The following RBFOX1 variants were observed in gnomAD, a reference collection of about 807,000 sequenced individuals.
RBFOX1 encodes RNA binding fox-1 homolog 1.
RBFOX1 carries 8 observed loss-of-function variants against 57.7 expected under a neutral mutation model. The ratio of observed to expected loss-of-function variants is 0.14; its 90% CI spans 0.08 to 0.25. The LOEUF (loss-of-function observed/expected upper bound fraction) is 0.25, where lower values mean the gene tolerates loss of function less well. Among genes scored for constraint, RBFOX1 ranks in the 10% least tolerant of loss-of-function variants. The pLI is 1.00. For missense variants in RBFOX1, 611 were observed against 548.5 expected, an observed-to-expected ratio of 1.11 and a Z score of -1.14; for synonymous variants, 326 against 222.4, an observed-to-expected ratio of 1.47 and a Z score of -4.15.
At chr16:5,769,170 C>G (rs1435740458) in intron 3 of RBFOX1, among the ~76,000 whole-genome samples, 1 of 152,070 alleles carries the variant, frequency 6.6e-6, no homozygotes. Flanking sequence ...TGGGAAACAC[C>G]TTATGAATAT....
chr16:6,459,094 G>C (rs1454133898), intron 2 of RBFOX1, among the ~76,000 whole-genome samples: 1 of 152,198 alleles, frequency 6.6e-6, no homozygotes, highest in Non-Finnish European at 1.5e-5. Context: ...CCAGCACTTT[G>C]GGAGGCCAAG....
Position 5,723,733 on chromosome 16 carries a change from C to A in RBFOX1, c.318+124772C>A, listed in dbSNP as rs566819421. 1.1e-4 allele frequency among the ~76,000 whole-genome samples: 16 copies of A among 152,244 alleles called. No homozygotes were observed. In the South Asian group the frequency reaches 3.3e-3, roughly 32 times the overall value. ...GCTTGGGCTGGATGGTGTCTGAGGT[C>A]TGATTGTGAGATCTTTGGTCTAAGG... On this transcript the variant is annotated intron_variant, in intron 3 of 19. Transcript: ENST00000641259.
At chr16:7,500,199 G>A (rs528867094) in intron 4 of RBFOX1, among the ~76,000 whole-genome samples, 5 of 152,272 alleles carry the variant, frequency 3.3e-5, no homozygotes, top group African/African-American at 1.2e-4. Flanking sequence ...GGAGACATTG[G>A]GTGATGTATA....
chr16:5,666,004 T>TGCCACCCA (rs2049832691), intron 3 of RBFOX1, among the ~76,000 whole-genome samples: 1 of 152,234 alleles, frequency 6.6e-6, no homozygotes, highest in South Asian at 2.1e-4. Context: ...CCGTCAAAAC[T>TGCCACCCA]GCCACCCACT....
At chr16:6,669,430 C>T (rs1005009197) in intron 3 of RBFOX1, among the ~76,000 whole-genome samples, 4 of 152,170 alleles carry the variant, frequency 2.6e-5, no homozygotes, top group African/African-American at 9.7e-5. Context: ...CTTAAACTAA[C>T]AGCTATCAGA....
intron 4 of RBFOX1, among the ~76,000 whole-genome samples, chr16:7,460,136 G>C (rs1368259759): frequency 6.6e-6 from 1 of 151,580 alleles, no homozygotes; most frequent in East Asian, 1.9e-4. Context: ...TTTCTCCTAT[G>C]CTAGTCTGAT....
At chr16:6,531,858 C>T (rs1393159229) in intron 2 of RBFOX1, among the ~76,000 whole-genome samples, 2 of 152,188 alleles carry the variant, frequency 1.3e-5, no homozygotes, top group African/African-American at 4.8e-5. Context: ...ACTTTGTGGA[C>T]CAATTAGGGC....
intron 3 of RBFOX1, among the ~76,000 whole-genome samples, chr16:6,854,994 C>T (rs1406722278): frequency 1.3e-5 from 2 of 151,614 alleles, no homozygotes; most frequent in East Asian, 3.9e-4. Context: ...TCTTTGGTGG[C>T]AAAGGAGTCA....
Position 6,780,333 on chromosome 16 carries a change from T to TTA in RBFOX1, c.-16+125686_-16+125687dup, listed in dbSNP as rs1275336927. Among the ~76,000 whole-genome samples, 105 of 86,064 alleles carry TTA rather than the reference T, an allele frequency of 1.2e-3. 2 individuals are homozygous for TTA. The highest frequency in any genetic ancestry group is 2.9e-3 in the African/African-American group (48 of 16,780). 56.5% of individuals were successfully genotyped at this position (86,064 alleles called of 152,430 possible). On this transcript the variant is annotated intron_variant, in intron 3 of 15. Transcript: ENST00000550418. ...TATATTTATTCATATTTATATATATTTATACATATTTATATACATATTTAT... is the reference window on the plus strand; with the variant it reads ...TATATTTATTCATATTTATATATATTTATATACATATTTATATACATATTTAT...
At chr16:5,505,838 C>T (rs763810752) in intron 2 of RBFOX1, among the ~76,000 whole-genome samples, 9 of 152,210 alleles carry the variant, frequency 5.9e-5, no homozygotes, top group East Asian at 3.9e-4. Context: ...CCGTGGTTTG[C>T]GTGTGTGTCT....
intron 1 of RBFOX1, among the ~76,000 whole-genome samples, chr16:6,258,111 C>A (rs1200044727): frequency 1.3e-5 from 2 of 152,128 alleles, no homozygotes; most frequent in African/African-American, 2.4e-5. Context: ...TGCCCTTATC[C>A]CATCATCTTT....
intron 4 of RBFOX1, among the ~76,000 whole-genome samples, chr16:7,064,374 G>T (rs982482530): frequency 6.6e-6 from 1 of 152,002 alleles, no homozygotes; most frequent in Non-Finnish European, 1.5e-5. Context: ...TCACCATGTT[G>T]CCCAGGCTGG....
At chr16:7,108,499 C>A (rs1390935718) in intron 4 of RBFOX1, among the ~76,000 whole-genome samples, 2 of 152,136 alleles carry the variant, frequency 1.3e-5, no homozygotes, top group Non-Finnish European at 2.9e-5. Context: ...CATGTACTGT[C>A]TCCAGGATAT....
chr16:7,221,455 C>T (rs564754996), intron 4 of RBFOX1, among the ~76,000 whole-genome samples: 9 of 152,140 alleles, frequency 5.9e-5, no homozygotes, highest in African/African-American at 1.4e-4. Flanking sequence ...CAACCTCTCC[C>T]TCCCAGGTTC....
At chr16:5,694,132 A>C (rs2050775719) in intron 3 of RBFOX1, among the ~76,000 whole-genome samples, 1 of 152,136 alleles carries the variant, frequency 6.6e-6, no homozygotes, top group East Asian at 1.9e-4. Context: ...ATAGGATGGG[A>C]ATGAACATTG....
At chr16:6,965,356 T>C (rs1440332582) in intron 3 of RBFOX1, among the ~76,000 whole-genome samples, 5 of 141,492 alleles carry the variant, frequency 3.5e-5, no homozygotes, top group Non-Finnish European at 6.1e-5. Context: ...TGTGTGTGTG[T>C]GTGTATGATG....
At chr16:5,579,916 C>G (rs1051688788) in intron 2 of RBFOX1, among the ~76,000 whole-genome samples, 13 of 152,166 alleles carry the variant, frequency 8.5e-5, no homozygotes, top group African/African-American at 2.7e-4. Flanking sequence ...CCTGCCACCA[C>G]GCCCGGCTAA....
chr16:5,282,000 C>A (rs1298400640), intron 1 of RBFOX1, among the ~76,000 whole-genome samples: 2 of 152,178 alleles, frequency 1.3e-5, no homozygotes, highest in Non-Finnish European at 2.9e-5. Flanking sequence ...TATGGTTTGG[C>A]TGTGTCCCCA....
chr16:6,106,813 G>A (rs1053136817), intron 1 of RBFOX1, among the ~76,000 whole-genome samples: 15 of 152,030 alleles, frequency 9.9e-5, no homozygotes, highest in Non-Finnish European at 1.9e-4. Flanking sequence ...GACCACAGAT[G>A]CCCATCACCA....
Sources: gnomAD v4.1 joint callset for allele counts (sites outside exome capture counted in the v4.1 genomes callset) on GRCh38, gnomAD v4.1.1 for gene constraint, MANE v1.5 for transcripts, NCBI Gene and HGNC (gene_info 2026-07-23, HGNC 2026-07-21) for gene names.